FHIP1A: variants seen among roughly 807,000 people sequenced by gnomAD.
The protein encoded by FHIP1A is FHF complex subunit HOOK-interacting protein 1A.
FHIP1A carries 61 observed loss-of-function variants against 88.6 expected under a neutral mutation model. The observed-to-expected ratio is 0.69, with a 90% CI of 0.56 to 0.85. FHIP1A has a LOEUF of 0.85. Among genes scored for constraint, FHIP1A ranks in the 40% least tolerant of loss-of-function variants. FHIP1A has a pLI of 0.00. For missense variants in FHIP1A, 1,154 were observed against 1,273.5 expected (o/e 0.91, Z 1.43); for synonymous variants, 478 against 496.0 (o/e 0.96, Z 0.48).
intron 9 of FHIP1A, among the ~76,000 whole-genome samples, chr4:151,641,392 G>C (rs570081599): frequency 6.6e-6 from 1 of 152,376 alleles, no homozygotes; most frequent in African/African-American, 2.4e-5. Flanking sequence ...AGGATCAACT[G>C]TGGTGATGTT....
At position 151,411,349 on chromosome 4, in the gene FHIP1A, A is replaced by ATTT. The variant is rs60777689; in HGVS notation, c.-356+1895_-356+1897dup. Among the ~76,000 whole-genome samples the ATTT allele has an allele frequency of 3.3e-3, 455 of 136,786 alleles. 3 individuals carry two copies. Among genetic ancestry groups the ATTT allele is most frequent in the East Asian group, 5.2e-3 (25 of 4,782 alleles). 89.7% of individuals were successfully genotyped at this position (136,786 alleles called of 152,430 possible). A position where few individuals can be genotyped will look rare whatever the true frequency, so the allele number is the denominator to read the frequency against. On this transcript the variant is annotated intron_variant, in intron 1 of 13. Coordinates refer to ENST00000435205, the MANE Select transcript of FHIP1A (RefSeq NM_001109977.3). ...CTCTGAGGAGTGAAATTATATATATATTTTTTTTTTTTTAAAGTTAGGGTC... is the reference window on the plus strand; with the variant it reads ...CTCTGAGGAGTGAAATTATATATATATTTTTTTTTTTTTTTTAAAGTTAGGGTC...
intron 2 of FHIP1A, among the ~76,000 whole-genome samples, chr4:151,469,132 A>G (rs1729426666): frequency 1.3e-5 from 2 of 152,136 alleles, no homozygotes; most frequent in Admixed American, 6.5e-5. Flanking sequence ...CCATTGCTTT[A>G]GTTGCTTTTG....
At position 151,662,727 on chromosome 4, in the gene FHIP1A, G is replaced by A; in HGVS notation, c.3096G>A (p.Leu1032=). The A allele has an allele frequency of 3.9e-6, 6 of 1,538,840 alleles. No homozygotes were observed. The South Asian group carries it at 7.4e-5, about 19-fold the overall frequency. The change falls in exon 14 of 14, where the codon TTG becomes TTA. Residue 1032 remains leucine, a synonymous_variant. Transcript: ENST00000435205. ...ACTCCATTCTGTGCTACAAGATCTT[G>A]GGTGACTTTGAGGACTCCTGCTGTT... ...QEHSILCYKI[L]GDFEDSCC
At chr4:151,500,476 C>G (rs975558350) in intron 3 of FHIP1A, among the ~76,000 whole-genome samples, 4 of 150,882 alleles carry the variant, frequency 2.7e-5, no homozygotes, top group African/African-American at 7.3e-5. Flanking sequence ...GACAGCCTGC[C>G]TGGGTTTGAA....
chr4:151,474,754 G>A (rs920774247), intron 2 of FHIP1A, among the ~76,000 whole-genome samples: 2 of 152,216 alleles, frequency 1.3e-5, no homozygotes, highest in East Asian at 3.8e-4. Flanking sequence ...TATCTTTTGG[G>A]TATACAAGGG....
At chr4:151,409,660 G>T (rs958657618) in intron 1 of FHIP1A, among the ~76,000 whole-genome samples, 195 bp downstream of exon 1, 1 of 152,104 alleles carries the variant, frequency 6.6e-6, no homozygotes, top group Non-Finnish European at 1.5e-5. Context: ...TGCGTCGGGC[G>T]GGGGCGCAGG....
In FHIP1A at chr4:151,617,953, C is replaced by T. The variant is rs1263302063; in HGVS notation, c.979-11749C>T. Among the ~76,000 whole-genome samples, 3 of 152,186 alleles carry T rather than the reference C, an allele frequency of 2.0e-5. No individual in the cohort carries two copies. In the East Asian group the frequency reaches 5.8e-4, roughly 29 times the overall value. On this transcript the variant is annotated intron_variant, in intron 7 of 13. Transcript: ENST00000435205. The stretch of plus-strand genomic sequence containing the variant: ...AGCACTGCTGTGGGCAGAAGCCTTG[C>T]ACTGAAGCATATGCTGACTTCTCTT...
At position 151,665,779 on chromosome 4, in the gene FHIP1A, T is replaced by C. The variant is rs969843271; in HGVS notation, c.*3025T>C. ...GTAAATCGGCAAGCCCTTAGAAATATCTTTTTTTATAATGAGTTGGGGGGA... is the reference window on the plus strand; with the variant it reads ...GTAAATCGGCAAGCCCTTAGAAATACCTTTTTTTATAATGAGTTGGGGGGA... On this transcript the variant is annotated 3_prime_UTR_variant, in exon 14 of 14. Transcript: ENST00000435205. 1.6e-4 allele frequency among the ~76,000 whole-genome samples: 25 copies of C among 152,190 alleles called. No homozygotes were observed. The highest frequency in any genetic ancestry group is 6.0e-4 in the African/African-American group (25 of 41,440).
chr4:151,578,220 T>A (rs1307514508), intron 5 of FHIP1A, 144 bp downstream of exon 5: 2 of 775,124 alleles, frequency 2.6e-6, no homozygotes, highest in East Asian at 2.7e-5. Flanking sequence ...AGGAAATCTT[T>A]GGAGGGAGCA....
At chr4:151,516,602 C>T (rs1157261141) in intron 3 of FHIP1A, among the ~76,000 whole-genome samples, 1 of 152,036 alleles carries the variant, frequency 6.6e-6, no homozygotes, top group Non-Finnish European at 1.5e-5. Flanking sequence ...AACAAATTTA[C>T]AAGAAAAAAA....
rs934688025 is a variant in FHIP1A at position 151,668,987 on chromosome 4, A to C, written c.*6233A>C. Among the ~76,000 whole-genome samples the C allele has an allele frequency of 6.6e-6, 1 of 152,206 alleles. No individual in the cohort carries two copies. Among genetic ancestry groups the C allele is most frequent in the Non-Finnish European group, 1.5e-5 (1 of 68,036 alleles). ...GGCAATGGCATCACCTGTGGTGCCAACTCATACATTTTAATGAGATTTCTC... is the reference window on the plus strand; with the variant it reads ...GGCAATGGCATCACCTGTGGTGCCACCTCATACATTTTAATGAGATTTCTC... On this transcript the variant is annotated 3_prime_UTR_variant, in exon 14 of 14. Coordinates refer to ENST00000435205, the MANE Select transcript of FHIP1A (RefSeq NM_001109977.3).
chr4:151,622,686 A>T (rs187954390), intron 7 of FHIP1A, among the ~76,000 whole-genome samples: 4 of 152,212 alleles, frequency 2.6e-5, no homozygotes, highest in Admixed American at 2.0e-4. Flanking sequence ...AATTGTAACC[A>T]AGAAGTTTGA....
At chr4:151,606,835 G>A (rs1028409431) in intron 7 of FHIP1A, among the ~76,000 whole-genome samples, 6 of 152,116 alleles carry the variant, frequency 3.9e-5, no homozygotes, top group East Asian at 1.9e-4. Flanking sequence ...TCTCCACTGC[G>A]CTGAAAGCAT....
intron 3 of FHIP1A, among the ~76,000 whole-genome samples, chr4:151,489,516 C>T (rs930768136): frequency 6.6e-5 from 10 of 152,092 alleles, no homozygotes; most frequent in Admixed American, 2.0e-4. Context: ...AAGGTGCAGG[C>T]AGGTGGGGAG....
At chr4:151,530,086 C>T (rs756531791) in intron 3 of FHIP1A, among the ~76,000 whole-genome samples, 8 of 152,072 alleles carry the variant, frequency 5.3e-5, no homozygotes, top group Non-Finnish European at 8.8e-5. Flanking sequence ...GAAAATAAGT[C>T]GTTCGAACTC....
chr4:151,601,129 G>A (rs986873077), intron 7 of FHIP1A, among the ~76,000 whole-genome samples: 3 of 152,174 alleles, frequency 2.0e-5, no homozygotes, highest in African/African-American at 7.2e-5. Context: ...TCAGTCATGG[G>A]TTACAACCTG....
intron 4 of FHIP1A, among the ~76,000 whole-genome samples, chr4:151,570,174 A>C (rs1393712066): frequency 6.6e-6 from 1 of 152,110 alleles, no homozygotes; most frequent in Non-Finnish European, 1.5e-5. Context: ...CCTCTCATTT[A>C]ATCTCCAAAA....
chr4:151,660,087 G>C (rs1312779998), intron 13 of FHIP1A, among the ~76,000 whole-genome samples: 3 of 152,222 alleles, frequency 2.0e-5, no homozygotes. Flanking sequence ...ATTTTATGAT[G>C]AGCTGGTGGC....
chr4:151,470,515 A>C (rs1414239745), intron 2 of FHIP1A, among the ~76,000 whole-genome samples: 1 of 152,002 alleles, frequency 6.6e-6, no homozygotes, highest in Non-Finnish European at 1.5e-5. Context: ...GTATTAGTGG[A>C]GTGTGGGTGG....
Sources: allele counts gnomAD v4.1 joint callset (sites outside exome capture counted in the v4.1 genomes callset), GRCh38; gene constraint gnomAD v4.1.1; transcripts MANE v1.5; gene names NCBI Gene and HGNC (gene_info 2026-07-23, HGNC 2026-07-21).